Variants in AFF3 observed in about 807,000 individuals in gnomAD.
AFF3 encodes the protein ALF transcription elongation factor 3.
A neutral mutation model predicts 129.7 loss-of-function variants in AFF3; 32 were observed. The observed-to-expected ratio is 0.25, with a 90% confidence interval of 0.19 to 0.33. The LOEUF (loss-of-function observed/expected upper bound fraction) is 0.33, where lower values mean the gene tolerates loss of function less well. Among genes scored for constraint, AFF3 ranks in the 10% least tolerant of loss-of-function variants. The pLI, the probability that AFF3 is intolerant of heterozygous loss-of-function variation, is 1.00. For missense variants in AFF3, 1,373 were observed against 1,592.0 expected (o/e 0.86, Z 2.34); for synonymous variants, 644 against 635.4 (o/e 1.01, Z -0.20).
chr2:100,118,842 C>T (rs3748927), intron 2 of AFF3, among the ~76,000 whole-genome samples: 30,650 of 149,988 alleles, frequency 0.2, 4,006 homozygotes, highest in East Asian at 0.57. Flanking sequence ...GACAGAGTCT[C>T]GCTCTGTCGC....
intron 7 of AFF3, among the ~76,000 whole-genome samples, chr2:99,838,273 G>A (rs1689049959): frequency 6.6e-6 from 1 of 152,112 alleles, no homozygotes; most frequent in Admixed American, 6.5e-5. Flanking sequence ...GCTGGTGAAA[G>A]TGCCTACCTG....
chr2:99,984,573 A>C (rs1435825168), intron 7 of AFF3, among the ~76,000 whole-genome samples: 1 of 152,238 alleles, frequency 6.6e-6, no homozygotes. Context: ...CTAAGAACGT[A>C]AAAATAATGG....
chr2:100,033,670 G>T (rs1156324711), intron 4 of AFF3, among the ~76,000 whole-genome samples: 1 of 151,942 alleles, frequency 6.6e-6, no homozygotes, highest in African/African-American at 2.4e-5. Context: ...TTTGCAAAAC[G>T]GTCTATGTTT....
chr2:99,957,911 C>T (rs916799239), intron 7 of AFF3, among the ~76,000 whole-genome samples: 9 of 152,158 alleles, frequency 5.9e-5, no homozygotes, highest in Admixed American at 6.5e-5. Flanking sequence ...GTCAGTGTGA[C>T]ACGCTTTTTA....
chr2:100,028,385 T>C (rs1011735981), intron 4 of AFF3, among the ~76,000 whole-genome samples: 4 of 152,112 alleles, frequency 2.6e-5, no homozygotes, highest in Admixed American at 2.6e-4. Flanking sequence ...AGGGGCAAAC[T>C]AGAAGAAACC....
intron 7 of AFF3, among the ~76,000 whole-genome samples, chr2:99,954,819 G>C (rs1576423285): frequency 6.6e-6 from 1 of 150,884 alleles, no homozygotes; most frequent in East Asian, 1.9e-4. Flanking sequence ...AAAGCTAAAT[G>C]ACGAGTTAAT....
At chr2:99,659,164 C>T (rs1176717284) in intron 12 of AFF3, among the ~76,000 whole-genome samples, 1 of 152,196 alleles carries the variant, frequency 6.6e-6, no homozygotes, top group Non-Finnish European at 1.5e-5. Context: ...CCTGGCAGAG[C>T]GGGCAAACCT....
chr2:99,581,147 C>T (rs1048823197), intron 17 of AFF3, among the ~76,000 whole-genome samples: 3 of 152,114 alleles, frequency 2.0e-5, no homozygotes, highest in Non-Finnish European at 2.9e-5. Flanking sequence ...GTGCCCAGCA[C>T]GTAATAAGTA....
At chr2:99,776,283 A>G (rs145572863) in intron 8 of AFF3, among the ~76,000 whole-genome samples, 188 of 152,358 alleles carry the variant, frequency 1.2e-3, no homozygotes, top group African/African-American at 4.3e-3. Context: ...GGTTTAAAAA[A>G]TCACAGAAGA....
intron 7 of AFF3, among the ~76,000 whole-genome samples, chr2:99,873,901 G>A (rs7609078): frequency 0.37 from 56,583 of 151,826 alleles, 10,892 homozygotes; most frequent in East Asian, 0.52. Flanking sequence ...TGGGCCGGGC[G>A]CGGTGGCTCA....
chr2:99,828,046 C>T (rs1453550037), intron 8 of AFF3, among the ~76,000 whole-genome samples: 1 of 152,130 alleles, frequency 6.6e-6, no homozygotes, highest in Non-Finnish European at 1.5e-5. Flanking sequence ...TCCCAATGGG[C>T]ACCTTACAAA....
At chr2:99,751,612 G>C (rs1681661519) in intron 9 of AFF3, among the ~76,000 whole-genome samples, 1 of 152,078 alleles carries the variant, frequency 6.6e-6, no homozygotes, top group Non-Finnish European at 1.5e-5. Context: ...TGAGATTTTG[G>C]TCTCTTCCCA....
chr2:99,566,590 T>C (rs1460046569), intron 19 of AFF3, among the ~76,000 whole-genome samples: 1 of 152,172 alleles, frequency 6.6e-6, no homozygotes, highest in East Asian at 1.9e-4. Context: ...TATCTGTAGC[T>C]GTCGAAATTT....
intron 7 of AFF3, among the ~76,000 whole-genome samples, chr2:99,988,718 C>T (rs1475151999): frequency 2.6e-5 from 4 of 152,100 alleles, no homozygotes; most frequent in Non-Finnish European, 5.9e-5. Flanking sequence ...ACCATTTTTG[C>T]AGAACTCCTG....
intron 7 of AFF3, among the ~76,000 whole-genome samples, chr2:99,969,962 T>A (rs1274545081): frequency 6.6e-6 from 1 of 152,344 alleles, no homozygotes; most frequent in Non-Finnish European, 1.5e-5. Flanking sequence ...TGTTCTCCTC[T>A]TGCAGGCATT....
intron 13 of AFF3, among the ~76,000 whole-genome samples, chr2:99,609,610 A>C (rs1311003889): frequency 6.6e-6 from 1 of 152,122 alleles, no homozygotes; most frequent in Non-Finnish European, 1.5e-5. Context: ...TATACACCAC[A>C]TTTTCTTTAT....
At position 99,565,357 on chromosome 2, in the gene AFF3, T is replaced by C; in HGVS notation, c.3119+130A>G. ...AGACGCCTTGCACGACCTTACCCTC[T>C]TATTTTGGGGGGATGAACACTGGTT... On this transcript the variant is annotated intron_variant, in intron 20 of 24. Coordinates refer to ENST00000672756, the MANE Select transcript of AFF3 (RefSeq NM_001386135.1). 2.2e-6 allele frequency: 3 copies of C among 1,361,376 alleles called. No individual in the cohort carries two copies. The South Asian group carries it at 4.2e-5, about 19-fold the overall frequency. The allele number at this position is 1,361,376 out of a possible 1,614,324, so 84.3% of individuals were successfully genotyped here.
chr2:99,730,240 A>C (rs540457393), intron 10 of AFF3, among the ~76,000 whole-genome samples: 1 of 152,248 alleles, frequency 6.6e-6, no homozygotes, highest in South Asian at 2.1e-4. Context: ...TGAGATATGA[A>C]ACAGCTTGCT....
intron 2 of AFF3, among the ~76,000 whole-genome samples, chr2:100,126,081 C>G (rs1373086071): frequency 2.0e-5 from 3 of 152,194 alleles, no homozygotes; most frequent in African/African-American, 7.2e-5. Context: ...TATTAGATAA[C>G]TGAATAAATA....
Sources: allele counts gnomAD v4.1 joint callset (sites outside exome capture counted in the v4.1 genomes callset), GRCh38; gene constraint gnomAD v4.1.1; transcripts MANE v1.5; gene names NCBI Gene and HGNC (gene_info 2026-07-23, HGNC 2026-07-21).